Variants in DIS3L2 observed in about 807,000 individuals in gnomAD.
DIS3L2 encodes the protein DIS3 like 3'-5' exoribonuclease 2, also known as DIS3-like exonuclease 2.
Under a neutral mutation model 97.5 loss-of-function variants are expected in DIS3L2, and 34 were observed. The ratio of observed to expected loss-of-function variants is 0.35; its 90% CI spans 0.27 to 0.46. The LOEUF is 0.46. DIS3L2 is among the 20% of genes least tolerant of loss of function. The probability of loss-of-function intolerance (pLI) is 1.00; values close to 1 mark genes in which losing one functional copy is unlikely to be tolerated. For synonymous variants in DIS3L2, 435 were observed against 445.2 expected (o/e 0.98, Z 0.29); for missense variants, 1,038 against 1,146.0 (o/e 0.91, Z 1.36).
chr2:232,136,625 C>T lies in DIS3L2; in HGVS notation c.856C>T (p.Pro286Ser), dbSNP rs1427495306. The T allele has an allele frequency of 6.2e-7, 1 of 1,613,866 alleles. No homozygotes were observed. The highest frequency in any genetic ancestry group is 1.7e-5 in the Admixed American group (1 of 59,986). ...PRIYVPLKDC[P>S]QDFVARPKDY... ...AATTTATGTGCCTCTCAAGGACTGT[C>T]CCCAGGACTTTGTGGCACGGCCTAA... Residue 286 changes from proline to serine, a missense_variant, in exon 8 of 21, where the codon CCC becomes TCC. By Grantham distance (74) the Pro-to-Ser change is moderately conservative. Around this residue, in one of 3 missense-constraint regions of DIS3L2, gnomAD observed 813 missense variants for 880.1 expected, o/e 0.92. Coordinates refer to ENST00000325385, the MANE Select transcript of DIS3L2 (RefSeq NM_152383.5).
At chr2:232,135,480 T>TC (rs1401457629) in intron 7 of DIS3L2, among the ~76,000 whole-genome samples, 1 of 152,066 alleles carries the variant, frequency 6.6e-6, no homozygotes, top group African/African-American at 2.4e-5. Context: ...AAGGGGGGTG[T>TC]CCCACAGCCT....
chr2:232,297,849 C>T (rs1018965535), intron 13 of DIS3L2, among the ~76,000 whole-genome samples: 5 of 151,978 alleles, frequency 3.3e-5, no homozygotes, highest in Admixed American at 6.6e-5. Context: ...ACTACAGGTG[C>T]GTGCCACCAC....
chr2:232,182,531 A>C lies in DIS3L2; in HGVS notation c.1124+18899A>C, dbSNP rs528922647. 1.9e-4 allele frequency among the ~76,000 whole-genome samples: 29 copies of C among 152,252 alleles called. No homozygotes were observed. The South Asian group carries it at 6.0e-3, about 32-fold the overall frequency. Reference sequence around the variant, plus strand: ...TGGATGTTGTGTATTGATATATATTACAGTTGAATTCTACATTTCTCCCTT... The same window carrying C: ...TGGATGTTGTGTATTGATATATATTCCAGTTGAATTCTACATTTCTCCCTT... On this transcript the variant is annotated intron_variant, in intron 9 of 20. Coordinates refer to ENST00000325385, the MANE Select transcript of DIS3L2 (RefSeq NM_152383.5).
chr2:232,068,805 G>A (rs561411109), intron 5 of DIS3L2, among the ~76,000 whole-genome samples: 21 of 151,854 alleles, frequency 1.4e-4, no homozygotes, highest in Admixed American at 2.6e-4. Context: ...TGCAAATTGA[G>A]CTTATTTTTA....
rs895654581 is a variant in DIS3L2, at chr2:232,247,213, G to A, written c.1318-2026G>A. ...GTTACCAAAATACAGTTGATAGAAC[G>A]AACTGTTAATGCAGCCCAGAGGAGA... On this transcript the variant is annotated intron_variant, in intron 11 of 20. Transcript: ENST00000325385. 2.0e-5 allele frequency among the ~76,000 whole-genome samples: 3 copies of A among 152,174 alleles called. No homozygotes were observed. The South Asian group carries it at 6.2e-4, about 31-fold the overall frequency.
intron 13 of DIS3L2, among the ~76,000 whole-genome samples, chr2:232,270,028 C>G (rs1296890283): frequency 6.6e-6 from 1 of 152,124 alleles, no homozygotes; most frequent in African/African-American, 2.4e-5. Flanking sequence ...CAAATTGACT[C>G]TCTTGATTAG....
chr2:231,976,601 C>T (rs943138744), intron 1 of DIS3L2, among the ~76,000 whole-genome samples: 1 of 150,706 alleles, frequency 6.6e-6, no homozygotes, highest in Admixed American at 6.6e-5. Context: ...TGTACTCCAG[C>T]CTGGGTAACA....
intron 9 of DIS3L2, among the ~76,000 whole-genome samples, chr2:232,184,731 G>A (rs3116191): frequency 0.53 from 80,542 of 152,072 alleles, 23,435 homozygotes; most frequent in East Asian, 0.69. Flanking sequence ...GTAGTGTTGG[G>A]TAGCCTGACA....
intron 9 of DIS3L2, among the ~76,000 whole-genome samples, chr2:232,208,086 A>G (rs1692080079): frequency 6.6e-6 from 1 of 152,222 alleles, no homozygotes; most frequent in Non-Finnish European, 1.5e-5. Flanking sequence ...TTTTAAAAAA[A>G]TAGTAAACAT....
intron 6 of DIS3L2, among the ~76,000 whole-genome samples, chr2:232,120,338 G>A (rs1236363868): frequency 6.6e-6 from 1 of 152,104 alleles, no homozygotes; most frequent in Non-Finnish European, 1.5e-5. Context: ...TTCGAATCCT[G>A]CCCCAGCCAC....
intron 13 of DIS3L2, among the ~76,000 whole-genome samples, chr2:232,290,876 C>A (rs531250417): frequency 6.6e-6 from 1 of 152,236 alleles, no homozygotes; most frequent in African/African-American, 2.4e-5. Flanking sequence ...TTTGATGGGT[C>A]CCTGTGCCAG....
intron 13 of DIS3L2, among the ~76,000 whole-genome samples, chr2:232,342,272 CATATATACACATAT>C (rs1559225214): frequency 6.6e-6 from 1 of 151,654 alleles, no homozygotes; most frequent in Non-Finnish European, 1.5e-5. Flanking sequence ...TACACATATA[CATATATACACATAT>C]ATGCATATAT....
intron 1 of DIS3L2, among the ~76,000 whole-genome samples, chr2:231,993,234 T>C (rs1367972064): frequency 6.6e-6 from 1 of 152,068 alleles, no homozygotes; most frequent in East Asian, 1.9e-4. Context: ...AATATGAAGT[T>C]ATCTTTTTTT....
intron 8 of DIS3L2, among the ~76,000 whole-genome samples, chr2:232,148,501 G>C (rs1690289658): frequency 6.6e-6 from 1 of 152,044 alleles, no homozygotes; most frequent in Admixed American, 6.5e-5. Flanking sequence ...ATTTAAATAA[G>C]GAACTTGAGA....
intron 8 of DIS3L2, among the ~76,000 whole-genome samples, chr2:232,149,209 T>TA (rs1424272348): frequency 6.5e-4 from 98 of 149,744 alleles, no homozygotes; most frequent in African/African-American, 2.3e-3. Context: ...TTTTTTTTTT[T>TA]ATTATATTCT....
intron 9 of DIS3L2, among the ~76,000 whole-genome samples, chr2:232,183,040 G>A (rs1691335594): frequency 6.6e-6 from 1 of 152,156 alleles, no homozygotes; most frequent in African/African-American, 2.4e-5. Flanking sequence ...TAAGTCAAGG[G>A]TAGAGCCCTC....
chr2:232,108,151 C>T (rs1028342992), intron 6 of DIS3L2, among the ~76,000 whole-genome samples: 1 of 152,034 alleles, frequency 6.6e-6, no homozygotes, highest in African/African-American at 2.4e-5. Flanking sequence ...ATTGGCAAAC[C>T]GAGTTCAGCA....
Position 232,263,250 on chromosome 2 carries a change from C to T in DIS3L2, c.1469C>T (p.Thr490Ile), listed in dbSNP as rs1693763845. ...GGCCGGACCATCATCCGCTCCTGCA[C>T]CAAACTTAGCTACGAGCATGCACAG... ...WFGRTIIRSC[T>I]KLSYEHAQSM... is the part of the protein sequence containing the mutation. Residue 490 changes from threonine (T) to isoleucine (I), a missense_variant, in exon 13 of 21, where the codon ACC (threonine) becomes ATC (isoleucine). By Grantham distance (89) the Thr-to-Ile change is moderately conservative. This residue lies in a region of DIS3L2 where 813 missense variants were observed against 880.1 expected (regional missense o/e 0.92). Transcript: ENST00000325385. 6.2e-7 allele frequency: 1 copy of T among 1,614,230 alleles called. No homozygotes were observed. Among genetic ancestry groups the T allele is most frequent in the Non-Finnish European group, 8.5e-7 (1 of 1,180,044 alleles).
chr2:232,060,256 G>GT (rs1296399136), intron 5 of DIS3L2, among the ~76,000 whole-genome samples: 1 of 151,932 alleles, frequency 6.6e-6, no homozygotes, highest in East Asian at 1.9e-4. Flanking sequence ...CCATTTGTCC[G>GT]TTTTTGCTTT....
Sources: allele counts gnomAD v4.1 joint callset (sites outside exome capture counted in the v4.1 genomes callset), GRCh38; gene constraint gnomAD v4.1.1; regional missense constraint gnomAD v4.1.1; transcripts MANE v1.5; gene names NCBI Gene and HGNC (gene_info 2026-07-23, HGNC 2026-07-21).